Variants in PTPN4 observed in about 807,000 individuals in gnomAD.
The protein encoded by PTPN4 is protein tyrosine phosphatase non-receptor type 4.
A neutral mutation model predicts 135.5 loss-of-function variants in PTPN4; 49 were observed. That is an observed-to-expected ratio of 0.36 (90% CI 0.29 to 0.46). The LOEUF (loss-of-function observed/expected upper bound fraction) is 0.46. Ranked by LOEUF, PTPN4 falls within the 20% of genes least tolerant of loss-of-function variation. PTPN4 has a pLI of 1.00. For synonymous variants in PTPN4, 333 were observed against 369.9 expected, an observed-to-expected ratio of 0.90 and a Z score of 1.14; for missense variants, 860 against 1,101.0, an observed-to-expected ratio of 0.78 and a Z score of 3.10.
Position 119,957,023 on chromosome 2 carries a change from C to T in PTPN4, c.2079C>T (p.Ala693=). Residue 693 remains alanine (A), a synonymous_variant, in exon 22 of 27, where the codon GCC becomes GCT. Coordinates refer to ENST00000263708, the MANE Select transcript of PTPN4 (RefSeq NM_002830.4). ...TCTTTTAAATTTTTTTAGATGATGC[C>T]ACACGGGTCATTTTAAAAGGTAATG... The part of the protein sequence containing the change: ...NRYRDISPYD[A]TRVILKGNED... 6.2e-7 allele frequency: 1 copy of T among 1,610,050 alleles called. No homozygotes were observed. Among genetic ancestry groups the T allele is most frequent in the Non-Finnish European group, 8.5e-7 (1 of 1,178,426 alleles).
intron 3 of PTPN4, among the ~76,000 whole-genome samples, chr2:119,868,836 C>T (rs950925581): frequency 2.8e-4 from 43 of 152,036 alleles, no homozygotes; most frequent in Admixed American, 2.3e-3. Context: ...AATCTCTGTT[C>T]GAGGCTCTCA....
chr2:119,881,189 A>T (rs956657936), intron 5 of PTPN4, among the ~76,000 whole-genome samples: 1 of 152,208 alleles, frequency 6.6e-6, no homozygotes, highest in African/African-American at 2.4e-5. Flanking sequence ...TTGGTTTCAC[A>T]GGAAATTGAA....
chr2:119,782,949 C>G (rs533609174), intron 1 of PTPN4, among the ~76,000 whole-genome samples: 40 of 151,106 alleles, frequency 2.6e-4, no homozygotes, highest in African/African-American at 9.5e-4. Flanking sequence ...CTCAAGGGAT[C>G]CTCCTGCCTT....
chr2:119,952,094 A>C lies in PTPN4; in HGVS notation c.1778A>C (p.His593Pro). 1 of 1,613,232 alleles carries C rather than the reference A, an allele frequency of 6.2e-7. No individual in the cohort carries two copies. The change falls in exon 19 of 27, where the codon CAT becomes CCT. Residue 593 changes from histidine (H) to proline (P), a missense_variant. Coordinates refer to ENST00000263708, the MANE Select transcript of PTPN4 (RefSeq NM_002830.4). ...VLFIKASCER[H>P]SGELMLLVRP... ...TTTATTAAAGCTAGTTGTGAGAGAC[A>C]TTCTGGGGAACTCATGCTTCTAGTT...
At chr2:119,798,330 C>T (rs927585732) in intron 1 of PTPN4, among the ~76,000 whole-genome samples, 6 of 152,056 alleles carry the variant, frequency 3.9e-5, no homozygotes, top group Non-Finnish European at 8.8e-5. Context: ...CCATGCCTGG[C>T]TAATTTTTGT....
chr2:119,961,248 A>G (rs995984093), intron 23 of PTPN4, among the ~76,000 whole-genome samples: 34 of 152,250 alleles, frequency 2.2e-4, no homozygotes, highest in African/African-American at 8.2e-4. Context: ...AAATAATGCA[A>G]TTTAAAAATG....
intron 1 of PTPN4, among the ~76,000 whole-genome samples, chr2:119,776,138 G>A (rs1690832745): frequency 6.6e-6 from 1 of 152,016 alleles, no homozygotes; most frequent in Admixed American, 6.6e-5. Flanking sequence ...TAAAGCAAAT[G>A]GTAGAAGAAC....
intron 1 of PTPN4, among the ~76,000 whole-genome samples, chr2:119,779,763 T>A (rs1326576467): frequency 6.6e-6 from 1 of 152,218 alleles, no homozygotes; most frequent in Admixed American, 6.5e-5. Context: ...TTTTTGTTTT[T>A]GAGACACGGT....
intron 15 of PTPN4, among the ~76,000 whole-genome samples, chr2:119,940,425 A>G (rs764950913): frequency 6.6e-6 from 1 of 152,182 alleles, no homozygotes; most frequent in Non-Finnish European, 1.5e-5. Flanking sequence ...TAAATAAGAC[A>G]TGTTCTCTTG....
At chr2:119,812,141 G>A (rs1200231690) in intron 2 of PTPN4, among the ~76,000 whole-genome samples, 2 of 152,098 alleles carry the variant, frequency 1.3e-5, no homozygotes, top group African/African-American at 2.4e-5. Flanking sequence ...GTACTTTTAG[G>A]TAGATTATTT....
chr2:119,771,860 T>C (rs148453658), intron 1 of PTPN4, among the ~76,000 whole-genome samples: 84 of 152,350 alleles, frequency 5.5e-4, no homozygotes, highest in African/African-American at 1.9e-3. Flanking sequence ...TAGTAGTCTT[T>C]TTAAGTGCAG....
intron 9 of PTPN4, among the ~76,000 whole-genome samples, chr2:119,886,132 T>C (rs868358880): frequency 3.3e-5 from 5 of 152,194 alleles, no homozygotes; most frequent in African/African-American, 1.2e-4. Flanking sequence ...CCGTAAGATA[T>C]AGTACCTTTA....
intron 3 of PTPN4, among the ~76,000 whole-genome samples, chr2:119,866,208 TTAAC>T (rs1677832752): frequency 6.6e-6 from 1 of 152,082 alleles, no homozygotes; most frequent in Non-Finnish European, 1.5e-5. Flanking sequence ...AGCATGCTAT[TTAAC>T]AGAGGCTTGA....
At chr2:119,844,209 A>G (rs1315965691) in intron 2 of PTPN4, among the ~76,000 whole-genome samples, 1,899 of 109,746 alleles carry the variant, frequency 0.017, 53 homozygotes, top group African/African-American at 0.061. Flanking sequence ...GGGGCTCCTC[A>G]CTTCCCAGTA....
intron 1 of PTPN4, among the ~76,000 whole-genome samples, chr2:119,779,510 G>A (rs1208177861): frequency 2.0e-5 from 3 of 151,902 alleles, no homozygotes; most frequent in Non-Finnish European, 4.4e-5. Flanking sequence ...CCAGCTACTC[G>A]GGAGGCTGGG....
chr2:119,831,375 G>A (rs1677217571), intron 2 of PTPN4, among the ~76,000 whole-genome samples: 1 of 152,080 alleles, frequency 6.6e-6, no homozygotes, highest in Non-Finnish European at 1.5e-5. Flanking sequence ...AGTGGTCTTG[G>A]TATTCTTGTT....
At chr2:119,973,671 T>G (rs1558779534) in intron 26 of PTPN4, among the ~76,000 whole-genome samples, 1 of 139,914 alleles carries the variant, frequency 7.1e-6, no homozygotes, top group Non-Finnish European at 1.5e-5. Flanking sequence ...TTTTTTTTTT[T>G]TTTTTTTTTT....
At chr2:119,793,190 C>T (rs1315856019) in intron 1 of PTPN4, among the ~76,000 whole-genome samples, 1 of 152,180 alleles carries the variant, frequency 6.6e-6, no homozygotes, top group Non-Finnish European at 1.5e-5. Flanking sequence ...GGCAGACGCT[C>T]CCAGAGCGGC....
At chr2:119,839,745 ATACAT>A (rs1224309585) in intron 2 of PTPN4, among the ~76,000 whole-genome samples, 5 of 152,356 alleles carry the variant, frequency 3.3e-5, no homozygotes, top group South Asian at 2.1e-4. Context: ...ATTGTACAAA[ATACAT>A]TACAGGACAT....
Sources: gnomAD v4.1 joint callset for allele counts (sites outside exome capture counted in the v4.1 genomes callset) on GRCh38, gnomAD v4.1.1 for gene constraint, MANE v1.5 for transcripts, NCBI Gene and HGNC (gene_info 2026-07-23, HGNC 2026-07-21) for gene names.